Variants in CCDC171 observed in about 807,000 individuals in gnomAD.
The protein encoded by CCDC171 is coiled-coil domain containing 171.
CCDC171 carries 177 observed loss-of-function variants against 168.2 expected under a neutral mutation model. That is an observed-to-expected ratio of 1.05 (90% CI 0.93 to 1.19). The LOEUF (loss-of-function observed/expected upper bound fraction) is 1.19, where lower values mean the gene tolerates loss of function less well. Among genes scored for constraint, CCDC171 ranks in the 50% most tolerant of loss-of-function variants. The pLI is 0.00. For missense variants in CCDC171, 1,991 were observed against 1,539.0 expected (o/e 1.29, Z -4.91); for synonymous variants, 687 against 540.8 (o/e 1.27, Z -3.75).
chr9:16,082,540 G>C, the CCDC171 span, among the ~76,000 whole-genome samples: 1 of 152,176 alleles, frequency 6.6e-6, no homozygotes, highest in African/African-American at 2.4e-5. Context: ...CTTTTGTAAA[G>C]CAAAGAAGGG....
the CCDC171 span, among the ~76,000 whole-genome samples, chr9:16,087,919 G>A: frequency 6.6e-6 from 1 of 152,030 alleles, no homozygotes; most frequent in Non-Finnish European, 1.5e-5. Context: ...TTGCTTGTCT[G>A]TAAAGGATTT....
chr9:15,714,551 G>C (rs1433344530), intron 11 of CCDC171, among the ~76,000 whole-genome samples: 3 of 151,314 alleles, frequency 2.0e-5, no homozygotes, highest in Non-Finnish European at 2.9e-5. Flanking sequence ...TGGCAGTTCA[G>C]ATCCAGTGTC....
chr9:15,621,312 A>G (rs1324827785), intron 6 of CCDC171, among the ~76,000 whole-genome samples: 1 of 152,202 alleles, frequency 6.6e-6, no homozygotes, highest in Middle Eastern at 3.2e-3. Context: ...TTTATATATA[A>G]TGCTATTGCA....
intron 11 of CCDC171, among the ~76,000 whole-genome samples, chr9:15,718,737 G>T (rs1328165391): frequency 6.6e-6 from 1 of 152,238 alleles, no homozygotes; most frequent in Non-Finnish European, 1.5e-5. Flanking sequence ...CTGTGAGTCT[G>T]CAGGAGCCAC....
chr9:15,868,751 C>T (rs749200455), intron 23 of CCDC171, among the ~76,000 whole-genome samples: 9 of 151,878 alleles, frequency 5.9e-5, no homozygotes, highest in East Asian at 3.9e-4. Flanking sequence ...TATTGTTTGG[C>T]GCTAAGAGCA....
At chr9:15,788,205 A>G (rs2058068099) in intron 21 of CCDC171, among the ~76,000 whole-genome samples, 2 of 152,212 alleles carry the variant, frequency 1.3e-5, no homozygotes, top group African/African-American at 4.8e-5. Context: ...GTATTCCTGA[A>G]TTCAAATCCC....
the CCDC171 span, among the ~76,000 whole-genome samples, chr9:16,108,242 T>C: frequency 6.6e-6 from 1 of 152,154 alleles, no homozygotes; most frequent in Non-Finnish European, 1.5e-5. Context: ...TTTGTAGGAG[T>C]CTGCCCTTCC....
chr9:16,055,636 A>G (rs1198390072), intron 1 of CCDC171, among the ~76,000 whole-genome samples: 3 of 152,188 alleles, frequency 2.0e-5, no homozygotes, highest in Non-Finnish European at 4.4e-5. Context: ...TGGCAAATGA[A>G]ACGTGTAATT....
At chr9:15,584,809 A>C (rs1334485183) in intron 4 of CCDC171, among the ~76,000 whole-genome samples, 1 of 152,170 alleles carries the variant, frequency 6.6e-6, no homozygotes, top group Non-Finnish European at 1.5e-5. Flanking sequence ...TAATAGTTAC[A>C]CGACTACCTG....
chr9:16,030,508 A>T (rs1401960924), intron 6 of CCDC171, among the ~76,000 whole-genome samples: 1 of 152,220 alleles, frequency 6.6e-6, no homozygotes, highest in Non-Finnish European at 1.5e-5. Flanking sequence ...CTAGAAAAAG[A>T]ATGTGTTGAT....
chr9:15,687,979 C>T (rs2050521672), intron 10 of CCDC171, among the ~76,000 whole-genome samples: 1 of 151,856 alleles, frequency 6.6e-6, no homozygotes, highest in African/African-American at 2.4e-5. Context: ...ATTAGCTGGG[C>T]AAGGTGGCGC....
intron 3 of CCDC171, among the ~76,000 whole-genome samples, chr9:15,996,698 T>C (rs1018840934): frequency 1.3e-5 from 2 of 152,172 alleles, no homozygotes; most frequent in African/African-American, 4.8e-5. Context: ...TGTATGTCAA[T>C]CTGGAAGGAT....
chr9:15,956,026 C>G (rs137868427), intron 25 of CCDC171, among the ~76,000 whole-genome samples: 33 of 152,262 alleles, frequency 2.2e-4, no homozygotes, highest in African/African-American at 7.7e-4. Context: ...AAAATTGATG[C>G]AGGGCAATTT....
At chr9:15,654,530 G>C (rs1564146581) in intron 7 of CCDC171, among the ~76,000 whole-genome samples, 1 of 152,218 alleles carries the variant, frequency 6.6e-6, no homozygotes, top group Non-Finnish European at 1.5e-5. Context: ...TGATTAGTTT[G>C]TGGATTATTC....
intron 21 of CCDC171, among the ~76,000 whole-genome samples, chr9:15,840,689 A>G (rs1238278756): frequency 6.6e-6 from 1 of 152,178 alleles, no homozygotes; most frequent in South Asian, 2.1e-4. Flanking sequence ...GTGTGTCACA[A>G]TAAATCTAGC....
At chr9:15,947,075 T>G (rs1293727136) in intron 25 of CCDC171, among the ~76,000 whole-genome samples, 2 of 152,006 alleles carry the variant, frequency 1.3e-5, no homozygotes, top group African/African-American at 4.8e-5. Flanking sequence ...CAAGTCAAAC[T>G]AAGTTGGGAT....
intron 7 of CCDC171, among the ~76,000 whole-genome samples, chr9:15,633,149 A>G (rs1359268423): frequency 6.6e-6 from 1 of 152,254 alleles, no homozygotes; most frequent in African/African-American, 2.4e-5. Flanking sequence ...AAGCAATGGC[A>G]AGAAAAGCCA....
chr9:15,988,475 C>T (rs141646022), intron 3 of CCDC171, among the ~76,000 whole-genome samples: 48 of 152,284 alleles, frequency 3.2e-4, no homozygotes, highest in Admixed American at 7.8e-4. Flanking sequence ...GGAACAGCTC[C>T]AGTCTACAGT....
chr9:15,920,990 A>G (rs1332706620), intron 25 of CCDC171, among the ~76,000 whole-genome samples: 1 of 151,660 alleles, frequency 6.6e-6, no homozygotes, highest in East Asian at 1.9e-4. Context: ...TCTACTTGAA[A>G]TATATTTTTG....
Sources: gnomAD v4.1 joint callset for allele counts (sites outside exome capture counted in the v4.1 genomes callset) on GRCh38, gnomAD v4.1.1 for gene constraint, MANE v1.5 for transcripts, NCBI Gene and HGNC (gene_info 2026-07-23, HGNC 2026-07-21) for gene names.